Variants in SMC3 observed in about 807,000 individuals in gnomAD.
SMC3 encodes the protein structural maintenance of chromosomes 3.
Under a neutral mutation model 171.8 loss-of-function variants are expected in SMC3, and 20 were observed. The observed-to-expected ratio is 0.12, with a 90% CI of 0.08 to 0.17. The LOEUF is 0.17. Among genes scored for constraint, SMC3 ranks in the 10% least tolerant of loss-of-function variants. SMC3 has a pLI of 1.00. For missense variants in SMC3, 543 were observed against 1,420.4 expected (o/e 0.38, Z 9.93); for synonymous variants, 464 against 451.1 (o/e 1.03, Z -0.36).
In SMC3 at chr10:110,583,980, A is replaced by T. The variant is rs1861069630; in HGVS notation, c.1091+18A>T. On this transcript the variant is annotated intron_variant, in intron 12 of 28. Coordinates refer to ENST00000361804, the MANE Select transcript of SMC3 (RefSeq NM_005445.4). ...ATTGCTAGGTCTGAGAACTTTCACC[A>T]ACACTTTAACTTTCTACATCATATT... 1 of 1,612,656 alleles carries T rather than the reference A, an allele frequency of 6.2e-7. No individual in the cohort carries two copies. Among genetic ancestry groups the T allele is most frequent in the Non-Finnish European group, 8.5e-7 (1 of 1,179,552 alleles).
intron 3 of SMC3, among the ~76,000 whole-genome samples, chr10:110,574,044 G>A (rs1860911794): frequency 6.6e-6 from 1 of 152,142 alleles, no homozygotes; most frequent in Admixed American, 6.5e-5. Flanking sequence ...TGTAAGAATG[G>A]AATGCAATAG....
chr10:110,598,608 G>T (rs1242101469), intron 20 of SMC3, among the ~76,000 whole-genome samples: 2 of 152,078 alleles, frequency 1.3e-5, no homozygotes, highest in Non-Finnish European at 2.9e-5. Context: ...GTTTCACCAT[G>T]TTGTCCAGGC....
intron 15 of SMC3, 105 bp downstream of exon 15, chr10:110,590,096 T>C: frequency 1.1e-6 from 1 of 884,302 alleles, no homozygotes. Context: ...TTCCAAGTGA[T>C]AAATAGGAGT....
At chr10:110,593,671 A>G (rs1459527750) in intron 18 of SMC3, among the ~76,000 whole-genome samples, 1 of 152,066 alleles carries the variant, frequency 6.6e-6, no homozygotes, top group African/African-American at 2.4e-5. Context: ...TCTGGTTTTG[A>G]GAGTATTCGA....
intron 13 of SMC3, among the ~76,000 whole-genome samples, chr10:110,587,177 A>AG (rs1464538906): frequency 6.6e-6 from 1 of 152,222 alleles, no homozygotes; most frequent in Non-Finnish European, 1.5e-5. Context: ...GCTGTGGAGA[A>AG]GGGGAAGCTC....
chr10:110,598,553 T>TA (rs1161702358), intron 20 of SMC3, among the ~76,000 whole-genome samples: 2 of 152,030 alleles, frequency 1.3e-5, no homozygotes, highest in Non-Finnish European at 2.9e-5. Context: ...ACTACAGACA[T>TA]ACGCCACCAC....
chr10:110,588,320 T>A (rs12774065), intron 13 of SMC3, among the ~76,000 whole-genome samples: 3 of 152,178 alleles, frequency 2.0e-5, no homozygotes, highest in Non-Finnish European at 4.4e-5. Context: ...AGTAGTAACA[T>A]TGACTTTTTG....
chr10:110,594,313 ATTATT>A (rs1271076788), intron 18 of SMC3, among the ~76,000 whole-genome samples: 4 of 151,846 alleles, frequency 2.6e-5, no homozygotes, highest in Non-Finnish European at 5.9e-5. Flanking sequence ...TCGCATGGTT[ATTATT>A]TTAAAAAATA....
chr10:110,582,170 A>C, intron 9 of SMC3, 72 bp downstream of exon 9: 1 of 1,264,578 alleles, frequency 7.9e-7, no homozygotes, highest in Non-Finnish European at 1.2e-6. Flanking sequence ...CTCAGGCCAT[A>C]ATTACACTTT....
chr10:110,582,553 T>C lies in SMC3; in HGVS notation c.724-9T>C, dbSNP rs1234705705. 1 of 1,606,532 alleles carries C rather than the reference T, an allele frequency of 6.2e-7. No homozygotes were observed. The highest frequency in any genetic ancestry group is 2.2e-5 in the East Asian group (1 of 44,822). On this transcript the variant is annotated splice_polypyrimidine_tract_variant and intron_variant, in intron 9 of 28. Transcript: ENST00000361804. ...TGAGTTAGATATGATAAGTTGTTTT[T>C]TTTCTTAGCTTTCTGCTAAGCGAGA...
chr10:110,602,483 A>T lies in SMC3; in HGVS notation c.3115A>T (p.Asn1039Tyr). Residue 1039 changes from asparagine (N) to tyrosine (Y), a missense_variant, in exon 26 of 29, where the codon AAC becomes TAC. Physicochemically the swap from Asn to Tyr is moderately radical, Grantham distance 143. This residue lies in a region of SMC3 where 34 missense variants were observed against 59.1 expected (regional missense o/e 0.58). Transcript: ENST00000361804. ...CTGCTTTTGTTTTAAGGTATCTAAG[A>T]ACTTCAGTGAAGTATTCCAGAAGTT... ...IQLTFKQVSKNFSEVFQKLVP... is the reference protein window; with the variant it reads ...IQLTFKQVSKYFSEVFQKLVP... 1 of 1,612,604 alleles carries T rather than the reference A, an allele frequency of 6.2e-7. No individual in the cohort carries two copies. The highest frequency in any genetic ancestry group is 2.2e-5 in the East Asian group (1 of 44,864).
intron 2 of SMC3, 26 bp downstream of exon 2, chr10:110,569,039 A>G (rs1205007366): frequency 7.4e-7 from 1 of 1,356,896 alleles, no homozygotes; most frequent in Non-Finnish European, 1.1e-6. Flanking sequence ...TTACTCGGTC[A>G]TATTTATAGT....
At chr10:110,601,205 A>T in intron 23 of SMC3, 75 bp downstream of exon 23, 1 of 1,034,110 alleles carries the variant, frequency 9.7e-7, no homozygotes, top group Non-Finnish European at 1.5e-6. Context: ...GAAATGTCCA[A>T]ATAGGCAGAA....
At chr10:110,569,824 C>T (rs1446833266) in intron 2 of SMC3, among the ~76,000 whole-genome samples, 3 of 152,148 alleles carry the variant, frequency 2.0e-5, no homozygotes, top group Non-Finnish European at 4.4e-5. Context: ...ATAGATTGCT[C>T]AGATTGTAGT....
intron 8 of SMC3, among the ~76,000 whole-genome samples, chr10:110,581,533 A>G (rs1861030004): frequency 6.6e-6 from 1 of 152,128 alleles, no homozygotes; most frequent in African/African-American, 2.4e-5. Flanking sequence ...CTGACTTTTT[A>G]AAAGGAAGCT....
chr10:110,579,804 T>G (rs536740143), intron 7 of SMC3, among the ~76,000 whole-genome samples: 64 of 152,352 alleles, frequency 4.2e-4, no homozygotes, highest in African/African-American at 1.4e-3. Flanking sequence ...AGGATGATTC[T>G]TTGATGTAGA....
Position 110,568,999 on chromosome 10 carries a change from A to G in SMC3, c.77A>G (p.Lys26Arg). 1 of 1,601,294 alleles carries G rather than the reference A, an allele frequency of 6.2e-7. No individual in the cohort carries two copies. Among genetic ancestry groups the G allele is most frequent in the Non-Finnish European group, 8.6e-7 (1 of 1,168,396 alleles). ...DQTIVDPFSS[K>R]HNVIVGRNGS... ...ACAATTGTAGATCCCTTCAGTTCAA[A>G]ACATAATGTGATTGGTAAGTGTTCT... The change falls in exon 2 of 29, where the codon AAA becomes AGA. Residue 26 changes from lysine (K) to arginine (R), a missense_variant. Coordinates refer to ENST00000361804, the MANE Select transcript of SMC3 (RefSeq NM_005445.4).
chr10:110,585,077 A>G lies in SMC3; in HGVS notation c.1305+681A>G, dbSNP rs187100634. On this transcript the variant is annotated intron_variant, in intron 13 of 28. Coordinates refer to ENST00000361804, the MANE Select transcript of SMC3 (RefSeq NM_005445.4). ...GCCCAGGCTAGAGTGCAATGGCGCA[A>G]TTTCGGCTCACTGCAACCTCAGCCT... Among the ~76,000 whole-genome samples the G allele has an allele frequency of 1.8e-4, 28 of 152,076 alleles. No homozygotes were observed. In the East Asian group the frequency reaches 4.5e-3, roughly 24 times the overall value.
At chr10:110,567,888 G>A in intron 1 of SMC3, 57 bp downstream of exon 1, 2 of 1,603,448 alleles carry the variant, frequency 1.2e-6, no homozygotes, top group Non-Finnish European at 1.7e-6. Flanking sequence ...GCTCCTTGAG[G>A]CGGGAGTGTT....
Sources: allele counts gnomAD v4.1 joint callset (sites outside exome capture counted in the v4.1 genomes callset), GRCh38; gene constraint gnomAD v4.1.1; regional missense constraint gnomAD v4.1.1; transcripts MANE v1.5; gene names NCBI Gene and HGNC (gene_info 2026-07-23, HGNC 2026-07-21).